ZNF670: variants seen among roughly 807,000 people sequenced by gnomAD.
The protein encoded by ZNF670 is zinc finger protein 670.
In ZNF670, 7 loss-of-function variants were observed where a neutral mutation model predicts 10.9. That is an observed-to-expected ratio of 0.64 (90% CI 0.36 to 1.20). ZNF670 has a LOEUF of 1.20. ZNF670 is among the 50% of genes most tolerant of loss of function. ZNF670 has a pLI of 0.02. For missense variants in ZNF670, 446 were observed against 458.6 expected, an observed-to-expected ratio of 0.97 and a Z score of 0.25; for synonymous variants, 136 against 152.7, an observed-to-expected ratio of 0.89 and a Z score of 0.81.
At chr1:247,077,786 A>T (rs1200199581) in intron 1 of ZNF670, among the ~76,000 whole-genome samples, 1 of 152,238 alleles carries the variant, frequency 6.6e-6, no homozygotes, top group East Asian at 1.9e-4. Flanking sequence ...GTTGCCATAC[A>T]CTTAGAAATG....
intron 1 of ZNF670, among the ~76,000 whole-genome samples, chr1:247,040,879 G>C (rs1434711299): frequency 2.6e-5 from 4 of 152,050 alleles, no homozygotes; most frequent in Non-Finnish European, 5.9e-5. Context: ...ATTTTTAGTA[G>C]AGACAGGGTT....
chr1:247,045,292 T>C (rs957328880), intron 1 of ZNF670, among the ~76,000 whole-genome samples: 1 of 152,326 alleles, frequency 6.6e-6, no homozygotes, highest in South Asian at 2.1e-4. Context: ...TTTGGCTGTG[T>C]GTTTCCTCCA....
intron 1 of ZNF670, among the ~76,000 whole-genome samples, chr1:247,052,690 T>C (rs924542330): frequency 2.6e-5 from 4 of 152,204 alleles, no homozygotes; most frequent in Non-Finnish European, 5.9e-5. Context: ...AGGGTCATTC[T>C]GTTATGAGTT....
chr1:247,050,578 C>T (rs1017486647), intron 1 of ZNF670, among the ~76,000 whole-genome samples: 22 of 151,836 alleles, frequency 1.4e-4, no homozygotes, highest in Admixed American at 1.2e-3. Flanking sequence ...CGGGTTCAAG[C>T]GATCCTCCTG....
intron 1 of ZNF670, among the ~76,000 whole-genome samples, chr1:247,056,629 C>T (rs7523333): frequency 3.0e-3 from 463 of 152,142 alleles, no homozygotes; most frequent in African/African-American, 0.011. Flanking sequence ...AGGTTGAGCA[C>T]GGTGGTTCAT....
rs148301909 is a variant in ZNF670 at position 247,046,864 on chromosome 1, T to C, written c.4-7327A>G. Among the ~76,000 whole-genome samples, 949 of 152,084 alleles carry C rather than the reference T, an allele frequency of 6.2e-3. 11 individuals are homozygous for C. The highest frequency in any genetic ancestry group is 0.021 in the African/African-American group (887 of 41,494). The stretch of plus-strand genomic sequence containing the variant: ...ATCCAGCAAAGCCACAGGAATGAGG[T>C]TGCCCAAGGCAACAGGTAAATACAC... On this transcript the variant is annotated intron_variant, in intron 1 of 3. Coordinates refer to ENST00000366503, the MANE Select transcript of ZNF670 (RefSeq NM_033213.5).
intron 1 of ZNF670, among the ~76,000 whole-genome samples, chr1:247,074,135 C>T (rs570044237): frequency 7.0e-4 from 107 of 152,286 alleles, no homozygotes; most frequent in South Asian, 2.5e-3. Flanking sequence ...GCTTCCTTTA[C>T]GTACAATAAA....
chr1:247,064,990 G>A (rs910085801), intron 1 of ZNF670, among the ~76,000 whole-genome samples: 6 of 152,016 alleles, frequency 3.9e-5, no homozygotes, highest in Admixed American at 1.3e-4. Context: ...TGTAGTTTTT[G>A]TAGAGACGGG....
intron 1 of ZNF670, among the ~76,000 whole-genome samples, chr1:247,074,722 G>C (rs550342737): frequency 6.6e-6 from 1 of 152,188 alleles, no homozygotes; most frequent in South Asian, 2.1e-4. Flanking sequence ...GTTCACAGTA[G>C]GGTTCGTGCT....
chr1:247,076,005 A>T (rs1671242772), intron 1 of ZNF670, among the ~76,000 whole-genome samples: 1 of 152,086 alleles, frequency 6.6e-6, no homozygotes, highest in Admixed American at 6.5e-5. Context: ...ATTTTTTTTT[A>T]ATCTTTCAAG....
At chr1:247,063,545 T>A (rs1187192459) in intron 1 of ZNF670, among the ~76,000 whole-genome samples, 4 of 134,800 alleles carry the variant, frequency 3.0e-5, no homozygotes, top group East Asian at 4.3e-4. Context: ...ATCGTGCCAC[T>A]GCACTCCAGC....
chr1:247,040,054 G>A (rs1167963979), intron 1 of ZNF670, among the ~76,000 whole-genome samples: 4 of 152,250 alleles, frequency 2.6e-5, no homozygotes, highest in African/African-American at 9.6e-5. Flanking sequence ...CTGAACTCCA[G>A]TTTTGTTTTG....
At chr1:247,043,761 T>C (rs878973673) in intron 1 of ZNF670, 3 of 382,388 alleles carry the variant, frequency 7.8e-6, no homozygotes, top group Non-Finnish European at 1.5e-5. Context: ...CAGGTCGCAT[T>C]TCTGTGCCTA....
At chr1:247,069,350 T>C (rs1185589552) in intron 1 of ZNF670, among the ~76,000 whole-genome samples, 1 of 150,828 alleles carries the variant, frequency 6.6e-6, no homozygotes, top group East Asian at 1.9e-4. Context: ...TAACAAATGC[T>C]GGCAAGGATA....
chr1:247,070,241 G>C (rs1196325731), intron 1 of ZNF670, among the ~76,000 whole-genome samples: 1 of 152,182 alleles, frequency 6.6e-6, no homozygotes, highest in African/African-American at 2.4e-5. Context: ...GGAGGCCGAG[G>C]TGGGCAGATC....
chr1:247,063,822 A>G (rs1045109582), intron 1 of ZNF670, among the ~76,000 whole-genome samples: 1 of 152,184 alleles, frequency 6.6e-6, no homozygotes, highest in African/African-American at 2.4e-5. Flanking sequence ...CTCTCCCGTC[A>G]CAGCCACACA....
intron 1 of ZNF670, among the ~76,000 whole-genome samples, chr1:247,051,279 A>C (rs551440282): frequency 0.011 from 1,656 of 151,332 alleles, 34 homozygotes; most frequent in African/African-American, 0.038. Context: ...CAAAAAAAAA[A>C]CTCCTTTTAG....
rs369318479 is a variant in ZNF670 at position 247,037,399 on chromosome 1, G to C, written c.*50C>G. The C allele has an allele frequency of 1.3e-6, 2 of 1,526,008 alleles. No individual in the cohort carries two copies. The highest frequency in any genetic ancestry group is 1.8e-6 in the Non-Finnish European group (2 of 1,141,876). The allele number at this position is 1,526,008 out of a possible 1,614,324, so 94.5% of individuals were successfully genotyped here. ...TCTAATGAAACTAGAATAACTGAAA[G>C]CTTTAACACACTTCTTACATTGACA... On this transcript the variant is annotated 3_prime_UTR_variant, in exon 4 of 4. Coordinates refer to ENST00000366503, the MANE Select transcript of ZNF670 (RefSeq NM_033213.5).
intron 1 of ZNF670, among the ~76,000 whole-genome samples, chr1:247,066,385 C>A (rs1670980425): frequency 6.6e-6 from 1 of 152,086 alleles, no homozygotes; most frequent in Non-Finnish European, 1.5e-5. Flanking sequence ...GATCCTACAG[C>A]CCCCATGGAC....
Sources: gnomAD v4.1 joint callset for allele counts (sites outside exome capture counted in the v4.1 genomes callset) on GRCh38, gnomAD v4.1.1 for gene constraint, MANE v1.5 for transcripts, NCBI Gene and HGNC (gene_info 2026-07-23, HGNC 2026-07-21) for gene names.